Variants in CCND3 observed in about 807,000 individuals in gnomAD.
CCND3 encodes the protein cyclin D3, also known as G1/S-specific cyclin-D3.
Under a neutral mutation model 28.7 loss-of-function variants are expected in CCND3, and 9 were observed. That is an observed-to-expected ratio of 0.31 (90% CI 0.19 to 0.55). The LOEUF (loss-of-function observed/expected upper bound fraction) is 0.55, where lower values mean the gene tolerates loss of function less well. Among genes scored for constraint, CCND3 ranks in the 20% least tolerant of loss-of-function variants. The pLI, the probability that CCND3 is intolerant of heterozygous loss-of-function variation, is 0.93. For synonymous variants in CCND3, 164 were observed against 163.9 expected, an observed-to-expected ratio of 1.00 and a Z score of 0.00; for missense variants, 315 against 385.8, an observed-to-expected ratio of 0.82 and a Z score of 1.54.
At chr6:41,954,995 T>G (rs1285656805) in intron 1 of CCND3, among the ~76,000 whole-genome samples, 1 of 152,196 alleles carries the variant, frequency 6.6e-6, no homozygotes, top group Non-Finnish European at 1.5e-5. Flanking sequence ...TCTGGACTTT[T>G]TGTGATGTGT....
At chr6:41,991,408 A>C (rs1762645903) in intron 1 of CCND3, among the ~76,000 whole-genome samples, 1 of 152,218 alleles carries the variant, frequency 6.6e-6, no homozygotes, top group Non-Finnish European at 1.5e-5. Context: ...TTACCACAAA[A>C]TAATACTCCA....
intron 1 of CCND3, among the ~76,000 whole-genome samples, chr6:42,017,393 G>A (rs1247862222): frequency 6.6e-6 from 1 of 152,238 alleles, no homozygotes; most frequent in African/African-American, 2.4e-5. Context: ...GGCTGATAAT[G>A]AGTCACATTG....
At chr6:42,028,987 C>T (rs77743540) in intron 1 of CCND3, among the ~76,000 whole-genome samples, 27,039 of 119,334 alleles carry the variant, frequency 0.23, 2,745 homozygotes, top group East Asian at 0.55. Context: ...TTTTTTTTTT[C>T]CTAAGAGACA....
At chr6:42,025,355 A>C (rs1317613323) in intron 1 of CCND3, among the ~76,000 whole-genome samples, 1 of 152,186 alleles carries the variant, frequency 6.6e-6, no homozygotes, top group African/African-American at 2.4e-5. Context: ...TCCAATTGCC[A>C]CGCCACCTTC....
At position 41,941,290 on chromosome 6, in the gene CCND3, G is replaced by A; in HGVS notation, c.198+162C>T. ...GCCGATTAGGGCTCGGGAAAGCAAG[G>A]GAGGCAGCTGGCGTGGGTGCCCTAG... On this transcript the variant is annotated intron_variant, in intron 1 of 4. Transcript: ENST00000372991. This position sits in a 1 kb window ranked among gnomAD's most constrained non-coding sequence, Gnocchi z 6.1. 1.4e-6 allele frequency: 2 copies of A among 1,446,504 alleles called. No homozygotes were observed. The highest frequency in any genetic ancestry group is 1.8e-6 in the Non-Finnish European group (2 of 1,102,606). The allele number at this position is 1,446,504 out of a possible 1,614,324, so 89.6% of individuals were successfully genotyped here.
At chr6:41,965,216 C>T (rs549848271) in intron 1 of CCND3, among the ~76,000 whole-genome samples, 5 of 152,032 alleles carry the variant, frequency 3.3e-5, no homozygotes, top group African/African-American at 9.6e-5. Context: ...ATTACAAACA[C>T]CCACCATCAC....
In CCND3 at chr6:42,048,741, G is replaced by T. The variant is rs573330752; in HGVS notation, c.-286C>A. 32 of 491,782 alleles carry T rather than the reference G, an allele frequency of 6.5e-5. No individual in the cohort carries two copies. The highest frequency in any genetic ancestry group is 4.4e-4 in the South Asian group (30 of 68,058). The allele number at this position is 491,782 out of a possible 1,614,324, so 30.5% of individuals were successfully genotyped here. On this transcript the variant is annotated 5_prime_UTR_variant, in exon 1 of 5. Transcript: ENST00000372988. The surrounding 1 kb of genome is among the most constrained non-coding windows in gnomAD (Gnocchi z 4.7). ...AGAGCTGGGCAGGAAGTGGGGAAGA[G>T]GGGGCGGAGGAGACAAAGGGGCTGG...
Position 42,002,811 on chromosome 6 carries a change from G to A in CCND3, c.-46+45690C>T, listed in dbSNP as rs150262209. Among the ~76,000 whole-genome samples the A allele has an allele frequency of 7.3e-3, 1,115 of 151,898 alleles. 15 individuals are homozygous for A. Among genetic ancestry groups the A allele is most frequent in the East Asian group, 0.026 (133 of 5,140 alleles). ...AGAGCTTGCAGTGAGCCAAGGTCAC[G>A]ATACTGCACTCCAGCCTGGGCAACA... On this transcript the variant is annotated intron_variant, in intron 1 of 4. Transcript: ENST00000372988.
Position 42,048,496 on chromosome 6 carries a change from C to T in CCND3, c.-46+5G>A. The T allele has an allele frequency of 2.0e-6, 1 of 510,758 alleles. No individual in the cohort carries two copies. The highest frequency in any genetic ancestry group is 3.2e-4 in the Middle Eastern group (1 of 3,118). The allele number at this position is 510,758 out of a possible 1,614,324, so 31.6% of individuals were successfully genotyped here. A position where few individuals can be genotyped will look rare whatever the true frequency, so the allele number is the denominator to read the frequency against. On this transcript the variant is annotated splice_donor_5th_base_variant and intron_variant, in intron 1 of 4. Transcript: ENST00000372988. The surrounding 1 kb of genome is among the most constrained non-coding windows in gnomAD (Gnocchi z 4.7). ...TACCCCGGTTTCTCCAGCACCCAAG[C>T]CTACCTCCTCGTCAGGTGACCTCCC...
chr6:41,970,582 T>G (rs1762008417), intron 1 of CCND3, among the ~76,000 whole-genome samples: 1 of 152,130 alleles, frequency 6.6e-6, no homozygotes, highest in East Asian at 1.9e-4. Context: ...ATTAACAACC[T>G]CACTTCCTCT....
chr6:41,964,511 TGTGA>T (rs1259975450), intron 1 of CCND3, among the ~76,000 whole-genome samples: 75 of 151,788 alleles, frequency 4.9e-4, no homozygotes, highest in Non-Finnish European at 9.3e-4. Flanking sequence ...TGTGTGTGTG[TGTGA>T]GTGTGTATGT....
intron 1 of CCND3, among the ~76,000 whole-genome samples, chr6:42,034,436 G>A (rs532452556): frequency 7.0e-6 from 1 of 142,936 alleles, no homozygotes; most frequent in African/African-American, 2.6e-5. Flanking sequence ...GATTACAGGC[G>A]TGAGCCACCG....
At chr6:42,042,364 G>GC (rs1554168884) in intron 1 of CCND3, among the ~76,000 whole-genome samples, 4 of 144,606 alleles carry the variant, frequency 2.8e-5, no homozygotes, top group African/African-American at 1.0e-4. Flanking sequence ...TCGGAAGTGG[G>GC]TTTTTTTTTT....
chr6:42,042,939 C>T (rs892143350), intron 1 of CCND3, among the ~76,000 whole-genome samples: 9 of 152,214 alleles, frequency 5.9e-5, no homozygotes, highest in African/African-American at 1.9e-4. Flanking sequence ...TCTGTAGAGG[C>T]TCTCTCGACC....
intron 1 of CCND3, among the ~76,000 whole-genome samples, chr6:42,035,109 G>A (rs1286614329): frequency 2.0e-5 from 3 of 152,148 alleles, no homozygotes. Context: ...TTCAAGGGTA[G>A]TCCCTGATTC....
chr6:41,937,208 T>C (rs905249311), intron 3 of CCND3, 27 bp downstream of exon 3: 4 of 1,613,736 alleles, frequency 2.5e-6, no homozygotes. Flanking sequence ...TTTTCCAATT[T>C]GGCAAAAATG....
chr6:41,962,716 G>A (rs1582111224), intron 1 of CCND3, among the ~76,000 whole-genome samples: 1 of 152,148 alleles, frequency 6.6e-6, no homozygotes, highest in Non-Finnish European at 1.5e-5. Context: ...GCTACTGCCC[G>A]CCAGCCTGCG....
At chr6:41,964,476 GTGTGTGTGAA>G (rs1427998563) in intron 1 of CCND3, among the ~76,000 whole-genome samples, 948 of 82,348 alleles carry the variant, frequency 0.012, 11 homozygotes, top group African/African-American at 0.04. Context: ...GTGTGTGTGA[GTGTGTGTGAA>G]TGTGTGTGTG....
chr6:41,953,900 T>C (rs566257270), intron 1 of CCND3, among the ~76,000 whole-genome samples: 3 of 151,914 alleles, frequency 2.0e-5, no homozygotes, highest in Admixed American at 6.6e-5. Flanking sequence ...ACTGAATACT[T>C]ACTATGTGCC....
Sources: allele counts gnomAD v4.1 joint callset (sites outside exome capture counted in the v4.1 genomes callset), GRCh38; gene constraint gnomAD v4.1.1; non-coding constraint Gnocchi (gnomAD v3.1); transcripts MANE v1.5; gene names NCBI Gene and HGNC (gene_info 2026-07-23, HGNC 2026-07-21).